SNED1: variants seen among roughly 807,000 people sequenced by gnomAD.
The protein encoded by SNED1 is sushi, nidogen and EGF-like domain-containing protein 1.
SNED1 carries 81 observed loss-of-function variants against 166.7 expected under a neutral mutation model. The ratio of observed to expected loss-of-function variants is 0.49; its 90% CI spans 0.41 to 0.58. The LOEUF (loss-of-function observed/expected upper bound fraction) is 0.58. Ranked by LOEUF, SNED1 falls within the 20% of genes least tolerant of loss-of-function variation. SNED1 has a pLI of 0.00. For synonymous variants in SNED1, 762 were observed against 822.0 expected (o/e 0.93, Z 1.25); for missense variants, 1,604 against 2,000.2 (o/e 0.80, Z 3.78).
rs1049283332 is a variant in SNED1 at position 241,082,305 on chromosome 2, A to G, written c.4062A>G (p.Thr1354=). Residue 1354 remains threonine, a synonymous_variant, in exon 29 of 32, where the codon ACA becomes ACG. Transcript: ENST00000310397. ...GTATAAAGGTGTCCCGCCCCTGCACAAGGCTGTTCTCCGAGACAAAGGCCT... is the reference window on the plus strand; with the variant it reads ...GTATAAAGGTGTCCCGCCCCTGCACGAGGCTGTTCTCCGAGACAAAGGCCT... The part of the protein sequence containing the change: ...LACIKVSRPC[T]RLFSETKAFP... 1 of 1,613,330 alleles carries G rather than the reference A, an allele frequency of 6.2e-7. No homozygotes were observed. Among genetic ancestry groups the G allele is most frequent in the African/African-American group, 1.3e-5 (1 of 74,902 alleles).
At chr2:241,079,439 G>A (rs902635743) in intron 27 of SNED1, among the ~76,000 whole-genome samples, 2 of 150,620 alleles carry the variant, frequency 1.3e-5, no homozygotes, top group East Asian at 3.9e-4. Flanking sequence ...GTAACGTGCA[G>A]AACAGTGTTT....
chr2:241,065,779 C>T (rs1304626542), intron 21 of SNED1, among the ~76,000 whole-genome samples, 184 bp downstream of exon 21: 1 of 152,158 alleles, frequency 6.6e-6, no homozygotes, highest in Non-Finnish European at 1.5e-5. Context: ...GTGGGAGTGG[C>T]CTTGGGTCCA....
intron 2 of SNED1, among the ~76,000 whole-genome samples, 171 bp downstream of exon 2, chr2:241,030,742 CA>C: frequency 6.6e-6 from 1 of 152,336 alleles, no homozygotes; most frequent in Non-Finnish European, 1.5e-5. Context: ...GACACGTCCC[CA>C]ACCTTCCCCA....
Position 240,999,703 on chromosome 2 carries a change from T to C in SNED1, c.213+653T>C, listed in dbSNP as rs572510470. Among the ~76,000 whole-genome samples, 1 of 152,264 alleles carries C rather than the reference T, an allele frequency of 6.6e-6. No individual in the cohort carries two copies. The highest frequency in any genetic ancestry group is 2.1e-4 in the South Asian group (1 of 4,830). On this transcript the variant is annotated intron_variant, in intron 1 of 31. Coordinates refer to ENST00000310397, the MANE Select transcript of SNED1 (RefSeq NM_001080437.3). The surrounding 1 kb of genome is among the most constrained non-coding windows in gnomAD (Gnocchi z 5.8). The stretch of plus-strand genomic sequence containing the variant: ...TGGGACTCCTGGGGCCAGGGACTCA[T>C]GACAGCAGGCTCAGCTCAGCTGAAG...
intron 27 of SNED1, among the ~76,000 whole-genome samples, chr2:241,077,177 T>C (rs2063067340): frequency 1.3e-5 from 2 of 151,748 alleles, no homozygotes; most frequent in African/African-American, 4.8e-5. Flanking sequence ...GTGGAAAGAA[T>C]AGTCTCAGCA....
At chr2:241,090,426 T>C in intron 31 of SNED1, 1 of 1,547,584 alleles carries the variant, frequency 6.5e-7, no homozygotes, top group Non-Finnish European at 8.7e-7. Context: ...GTTAACTTTT[T>C]TTCATAAGTA....
At chr2:241,084,653 CTT>C (rs760710477) in intron 29 of SNED1, among the ~76,000 whole-genome samples, 15 of 152,088 alleles carry the variant, frequency 9.9e-5, no homozygotes, top group Admixed American at 3.3e-4. Flanking sequence ...CAAAAATTAT[CTT>C]GTTTTAGATA....
At position 241,053,306 on chromosome 2, in the gene SNED1, G is replaced by A. The variant is rs1254307154; in HGVS notation, c.2237G>A (p.Ser746Asn). 2.5e-6 allele frequency: 4 copies of A among 1,589,620 alleles called. No individual in the cohort carries two copies. Among genetic ancestry groups the A allele is most frequent in the Non-Finnish European group, 2.6e-6 (3 of 1,166,226 alleles). The change falls in exon 16 of 32, where the codon AGT becomes AAT. Residue 746 changes from serine to asparagine, a missense_variant. Ser to Asn is a conservative substitution (Grantham distance 46). Transcript: ENST00000310397. ...IRVCQPHGVW[S>N]EPPQCLEIDE... Reference sequence around the variant, plus strand: ...GTCTGCCAGCCACACGGTGTCTGGAGTGAGCCTCCCCAGTGCCTTGGTGAT... The same window carrying A: ...GTCTGCCAGCCACACGGTGTCTGGAATGAGCCTCCCCAGTGCCTTGGTGAT...
chr2:241,005,510 T>A (rs1339670876), intron 1 of SNED1, among the ~76,000 whole-genome samples: 1 of 152,118 alleles, frequency 6.6e-6, no homozygotes, highest in African/African-American at 2.4e-5. Flanking sequence ...GGCCCAGATT[T>A]CCATTTTTAT....
Position 240,998,925 on chromosome 2 carries a change from G to T in SNED1, c.88G>T (p.Asp30Tyr). 1.6e-6 allele frequency: 2 copies of T among 1,259,842 alleles called. No individual in the cohort carries two copies. The highest frequency in any genetic ancestry group is 2.0e-6 in the Non-Finnish European group (2 of 1,001,750). The allele number at this position is 1,259,842 out of a possible 1,614,324, so 78.0% of individuals were successfully genotyped here. The change falls in exon 1 of 32, where the codon GAC (aspartate) becomes TAC (tyrosine). Residue 30 changes from aspartate (D) to tyrosine (Y), a missense_variant. By Grantham distance (160) the Asp-to-Tyr change is radical. Coordinates refer to ENST00000310397, the MANE Select transcript of SNED1 (RefSeq NM_001080437.3). Reference sequence around the variant, plus strand: ...GGTGCGCGGCGCGGTGGCCCTTGCCGACTTCTACCCGTTCGGCGCCGAGCG... The same window carrying T: ...GGTGCGCGGCGCGGTGGCCCTTGCCTACTTCTACCCGTTCGGCGCCGAGCG... ...RGVRGAVALA[D>Y]FYPFGAERGD...
At chr2:241,056,580 A>ATTTTTTTTTT (rs1172411061) in intron 16 of SNED1, among the ~76,000 whole-genome samples, 30,772 of 108,542 alleles carry the variant, frequency 0.28, 5,340 homozygotes, top group South Asian at 0.33. Context: ...AATAAGTGAA[A>ATTTTTTTTTT]TTTTTTTTTT....
In SNED1 at chr2:241,018,632, T is replaced by C. The variant is rs1204664899; in HGVS notation, c.214-11652T>C. 6.6e-6 allele frequency among the ~76,000 whole-genome samples: 1 copy of C among 152,028 alleles called. No homozygotes were observed. The highest frequency in any genetic ancestry group is 1.5e-5 in the Non-Finnish European group (1 of 68,004). On this transcript the variant is annotated intron_variant, in intron 1 of 31. Transcript: ENST00000310397. The surrounding 1 kb of genome is among the most constrained non-coding windows in gnomAD (Gnocchi z 5.4). ...CACACCCAGACCTGTCACAGGGCGG[T>C]GCAGGCACAAGGCCAGCAGGAGCAC...
rs1401363971 is a variant in SNED1 at position 241,091,220 on chromosome 2, A to C, written c.*2-418A>C. Among the ~76,000 whole-genome samples, 1 of 152,246 alleles carries C rather than the reference A, an allele frequency of 6.6e-6. No homozygotes were observed. The highest frequency in any genetic ancestry group is 1.5e-5 in the Non-Finnish European group (1 of 68,048). On this transcript the variant is annotated intron_variant, in intron 31 of 31. Transcript: ENST00000310397. The surrounding 1 kb of genome is among the most constrained non-coding windows in gnomAD (Gnocchi z 4.1). ...CAGAAACACACGCACCCAGACACCC[A>C]TCCAAGAACAACACGAGAATTCATT... is the stretch of plus-strand genomic sequence containing the variant.
At position 241,052,699 on chromosome 2, in the gene SNED1, G is replaced by T. The variant is rs1334216414; in HGVS notation, c.2083+231G>T. ...CAGGTGAGAGGGTCGGCGGGGGGGGGGGGGGTCAAGCAGGGTACATGGGAT... is the reference window on the plus strand; with the variant it reads ...CAGGTGAGAGGGTCGGCGGGGGGGGTGGGGGTCAAGCAGGGTACATGGGAT... On this transcript the variant is annotated intron_variant, in intron 15 of 31. Transcript: ENST00000310397. 4.7e-4 allele frequency among the ~76,000 whole-genome samples: 32 copies of T among 68,584 alleles called. 5 individuals are homozygous for T. The highest frequency in any genetic ancestry group is 2.0e-3 in the African/African-American group (27 of 13,658). 45.0% of individuals were successfully genotyped at this position (68,584 alleles called of 152,430 possible).
At position 241,094,593 on chromosome 2, in the gene SNED1, T is replaced by A; in HGVS notation, c.*2957T>A. On this transcript the variant is annotated 3_prime_UTR_variant, in exon 32 of 32. Coordinates refer to ENST00000310397, the MANE Select transcript of SNED1 (RefSeq NM_001080437.3). The surrounding 1 kb of genome is among the most constrained non-coding windows in gnomAD (Gnocchi z 4.3). ...TAAAATAATACGATCCTAAGTCCAT[T>A]TACCATCTGAAGTTGTCACGAGTGA... The A allele has an allele frequency of 2.8e-6, 1 of 353,662 alleles. No individual in the cohort carries two copies. The highest frequency in any genetic ancestry group is 5.6e-6 in the Non-Finnish European group (1 of 179,842). The allele number at this position is 353,662 out of a possible 1,614,324, so 21.9% of individuals were successfully genotyped here. A position where few individuals can be genotyped will look rare whatever the true frequency, so the allele number is the denominator to read the frequency against.
At chr2:241,082,163 T>G in intron 28 of SNED1, 114 bp from the exon 29 acceptor site, 3 of 799,024 alleles carry the variant, frequency 3.8e-6, no homozygotes, top group Non-Finnish European at 6.2e-6. Context: ...CATCCCGCCT[T>G]GGAGGAAGCC....
In SNED1 at chr2:241,070,220, G is replaced by C; in HGVS notation, c.3589+19G>C. 1 of 1,587,878 alleles carries C rather than the reference G, an allele frequency of 6.3e-7. No individual in the cohort carries two copies. Among genetic ancestry groups the C allele is most frequent in the Non-Finnish European group, 8.5e-7 (1 of 1,170,672 alleles). On this transcript the variant is annotated intron_variant, in intron 24 of 31. Transcript: ENST00000310397. ...ATCACCTGTGAGTGCCGTGGGCCCTGCGCGTGGGCGGGGCCAGTGTTTGCC... is the reference window on the plus strand; with the variant it reads ...ATCACCTGTGAGTGCCGTGGGCCCTCCGCGTGGGCGGGGCCAGTGTTTGCC...
In SNED1 at chr2:241,065,356, T is replaced by C. The variant is rs1490243886; in HGVS notation, c.2771T>C (p.Ile924Thr). 2 of 1,613,014 alleles carry C rather than the reference T, an allele frequency of 1.2e-6. No individual in the cohort carries two copies. The highest frequency in any genetic ancestry group is 2.2e-5 in the East Asian group (1 of 44,838). Residue 924 changes from isoleucine to threonine, a missense_variant, in exon 21 of 32, where the codon ATC (isoleucine) becomes ACC (threonine). Coordinates refer to ENST00000310397, the MANE Select transcript of SNED1 (RefSeq NM_001080437.3). ...AGAGTGGAGGAGAGTGGGGTCTCTATCTCCTGGAACCCGCCCAATGGTCCA... is the reference window on the plus strand; with the variant it reads ...AGAGTGGAGGAGAGTGGGGTCTCTACCTCCTGGAACCCGCCCAATGGTCCA... ...MERVEESGVS[I>T]SWNPPNGPAA...
In SNED1 at chr2:241,048,318, A is replaced by T. The variant is rs767277885; in HGVS notation, c.1277A>T (p.Asp426Val). ...PFKGLRCETG[D>V]HPVPDACLSA... ...GTGACTGCCGTCTTTCTTGCAGGAG[A>T]CCATCCAGTGCCAGACGCCTGCCTC... The change falls in exon 9 of 32, where the codon GAC (aspartate) becomes GTC (valine). Residue 426 changes from aspartate to valine, a missense_variant. By Grantham distance (152) the Asp-to-Val change is radical. Transcript: ENST00000310397. The T allele has an allele frequency of 3.8e-6, 6 of 1,598,650 alleles. No homozygotes were observed. The East Asian group carries it at 1.3e-4, about 36-fold the overall frequency.
Sources: allele counts gnomAD v4.1 joint callset (sites outside exome capture counted in the v4.1 genomes callset), GRCh38; gene constraint gnomAD v4.1.1; non-coding constraint Gnocchi (gnomAD v3.1); transcripts MANE v1.5; gene names NCBI Gene and HGNC (gene_info 2026-07-23, HGNC 2026-07-21).